The following RAD54L2 variants were observed in gnomAD, a reference collection of about 807,000 sequenced individuals.
The protein encoded by RAD54L2 is RAD54 like 2.
Under a neutral mutation model 138.4 loss-of-function variants are expected in RAD54L2, and 27 were observed. That is an observed-to-expected ratio of 0.20 (90% CI 0.14 to 0.27). RAD54L2 has a LOEUF of 0.27. RAD54L2 is among the 10% of genes least tolerant of loss of function. The pLI, the probability that RAD54L2 is intolerant of heterozygous loss-of-function variation, is 1.00. For missense variants in RAD54L2, 1,396 were observed against 1,890.2 expected (o/e 0.74, Z 4.85); for synonymous variants, 644 against 723.2 (o/e 0.89, Z 1.76).
intron 2 of RAD54L2, among the ~76,000 whole-genome samples, chr3:51,550,314 T>C (rs1303151467): frequency 1.3e-5 from 2 of 152,212 alleles, no homozygotes; most frequent in Non-Finnish European, 2.9e-5. Flanking sequence ...ATTGTTTCTG[T>C]CACCATACTT....
At chr3:51,566,351 G>T (rs184882819) in intron 2 of RAD54L2, among the ~76,000 whole-genome samples, 1 of 151,724 alleles carries the variant, frequency 6.6e-6, no homozygotes, top group East Asian at 1.9e-4. Context: ...TACTGTGTGG[G>T]GCTTGTTTCT....
chr3:51,562,301 G>A (rs186237266), intron 2 of RAD54L2, among the ~76,000 whole-genome samples: 2 of 151,690 alleles, frequency 1.3e-5, no homozygotes, highest in African/African-American at 2.4e-5. Context: ...GCGTGATCTC[G>A]GCTCACTGCC....
chr3:51,552,561 CTTTTTTTTTTTT>C (rs58505964), intron 2 of RAD54L2, among the ~76,000 whole-genome samples: 5 of 106,750 alleles, frequency 4.7e-5, no homozygotes, highest in Non-Finnish European at 7.5e-5. Context: ...TGCGCCTGGC[CTTTTTTTTTTTT>C]TTTTTTTTTT....
At chr3:51,609,474 T>C (rs1454457764) in intron 3 of RAD54L2, among the ~76,000 whole-genome samples, 1 of 152,248 alleles carries the variant, frequency 6.6e-6, no homozygotes, top group African/African-American at 2.4e-5. Context: ...ATTAAGGTTC[T>C]GAAGGGATCA....
chr3:51,553,107 C>A (rs1698878501), intron 2 of RAD54L2, among the ~76,000 whole-genome samples: 1 of 152,000 alleles, frequency 6.6e-6, no homozygotes, highest in South Asian at 2.1e-4. Flanking sequence ...GAGAGGGAGT[C>A]TCACTCTGTT....
chr3:51,577,504 A>G (rs1028545377), intron 2 of RAD54L2, among the ~76,000 whole-genome samples: 1 of 152,100 alleles, frequency 6.6e-6, no homozygotes, highest in Non-Finnish European at 1.5e-5. Context: ...GTCTCTAAGG[A>G]CTTGCTTTAT....
At chr3:51,635,042 T>C (rs1700950629) in intron 9 of RAD54L2, among the ~76,000 whole-genome samples, 1 of 152,170 alleles carries the variant, frequency 6.6e-6, no homozygotes, top group South Asian at 2.1e-4. Flanking sequence ...TCACAGGTGG[T>C]TGCTCATTCA....
intron 3 of RAD54L2, among the ~76,000 whole-genome samples, chr3:51,616,700 C>T (rs929703702): frequency 2.0e-5 from 3 of 151,764 alleles, no homozygotes; most frequent in Non-Finnish European, 4.4e-5. Flanking sequence ...TGGTGGTAGG[C>T]GCCTGTAATC....
At chr3:51,575,112 C>T (rs1283710067) in intron 2 of RAD54L2, among the ~76,000 whole-genome samples, 1 of 152,140 alleles carries the variant, frequency 6.6e-6, no homozygotes, top group East Asian at 1.9e-4. Flanking sequence ...GAATCCTTTG[C>T]CCATTTCTTG....
At chr3:51,579,022 G>A (rs1397466130) in intron 2 of RAD54L2, among the ~76,000 whole-genome samples, 6 of 152,200 alleles carry the variant, frequency 3.9e-5, no homozygotes, top group Non-Finnish European at 7.3e-5. Context: ...ATCTTCCCCT[G>A]TAGGCCTTCC....
chr3:51,651,328 T>G (rs1701429131), intron 19 of RAD54L2, among the ~76,000 whole-genome samples: 1 of 152,116 alleles, frequency 6.6e-6, no homozygotes, highest in Admixed American at 6.6e-5. Flanking sequence ...CAGGACCAGA[T>G]GGATTCAGAG....
chr3:51,636,948 A>G (rs896221727), intron 10 of RAD54L2: 1 of 577,678 alleles, frequency 1.7e-6, no homozygotes, highest in Non-Finnish European at 3.1e-6. Context: ...AGAAAAAAAA[A>G]GAGTCAACTG....
intron 3 of RAD54L2, among the ~76,000 whole-genome samples, chr3:51,612,640 A>G (rs1700355248): frequency 6.6e-6 from 1 of 151,986 alleles, no homozygotes; most frequent in Admixed American, 6.6e-5. Context: ...GTTGTTAGTA[A>G]CAGCTAGTCT....
rs192727057 is a variant in RAD54L2 at position 51,545,338 on chromosome 3, C to T, written c.-55+3688C>T. Among the ~76,000 whole-genome samples, 45 of 151,690 alleles carry T rather than the reference C, an allele frequency of 3.0e-4. No homozygotes were observed. The East Asian group carries it at 7.2e-3, about 24-fold the overall frequency. On this transcript the variant is annotated intron_variant, in intron 2 of 22. Transcript: ENST00000684192. ...TCCTGAGCAGCTGGGATTACAGGCGCGTGCCACCACGCCTGGCTAGTTTTT... is the reference window on the plus strand; with the variant it reads ...TCCTGAGCAGCTGGGATTACAGGCGTGTGCCACCACGCCTGGCTAGTTTTT...
chr3:51,581,127 A>G (rs890693428), intron 2 of RAD54L2, among the ~76,000 whole-genome samples: 5 of 152,112 alleles, frequency 3.3e-5, no homozygotes, highest in African/African-American at 1.2e-4. Flanking sequence ...ATTATTAACG[A>G]GACTCTGTCG....
At chr3:51,544,254 G>T (rs567938977) in intron 2 of RAD54L2, among the ~76,000 whole-genome samples, 2 of 152,278 alleles carry the variant, frequency 1.3e-5, no homozygotes, top group Admixed American at 6.5e-5. Context: ...AACTAGTGGT[G>T]TGATGAGAGT....
chr3:51,557,918 C>T (rs1196511553), intron 2 of RAD54L2, among the ~76,000 whole-genome samples: 1 of 151,220 alleles, frequency 6.6e-6, no homozygotes, highest in East Asian at 1.9e-4. Context: ...AATCTCTGCT[C>T]ATTGCAACCT....
At chr3:51,575,831 C>T (rs1235515665) in intron 2 of RAD54L2, among the ~76,000 whole-genome samples, 1 of 152,160 alleles carries the variant, frequency 6.6e-6, no homozygotes, top group Non-Finnish European at 1.5e-5. Context: ...TAATTGAATA[C>T]CCTTTATTTC....
At position 51,638,355 on chromosome 3, in the gene RAD54L2, G is replaced by C; in HGVS notation, c.1860+34G>C. The C allele has an allele frequency of 6.2e-7, 1 of 1,610,352 alleles. No individual in the cohort carries two copies. Among genetic ancestry groups the C allele is most frequent in the Non-Finnish European group, 8.5e-7 (1 of 1,177,940 alleles). Reference sequence around the variant, plus strand: ...GGGCCTCAGGGAAGATTGAGATGGGGACTAAGGATACACATGGTCCCAAGG... The same window carrying C: ...GGGCCTCAGGGAAGATTGAGATGGGCACTAAGGATACACATGGTCCCAAGG... On this transcript the variant is annotated intron_variant, in intron 12 of 22. Coordinates refer to ENST00000684192, the MANE Select transcript of RAD54L2 (RefSeq NM_015106.4). This position sits in a 1 kb window ranked among gnomAD's most constrained non-coding sequence, Gnocchi z 4.3.
Sources: gnomAD v4.1 joint callset for allele counts (sites outside exome capture counted in the v4.1 genomes callset) on GRCh38, gnomAD v4.1.1 for gene constraint, Gnocchi (gnomAD v3.1) non-coding constraint, MANE v1.5 for transcripts, NCBI Gene and HGNC (gene_info 2026-07-23, HGNC 2026-07-21) for gene names.